Variants in HPS3 observed in about 807,000 individuals in gnomAD.
HPS3 encodes the protein BLOC-2 complex member HPS3.
Under a neutral mutation model 110.9 loss-of-function variants are expected in HPS3, and 79 were observed. That is an observed-to-expected ratio of 0.71 (90% confidence interval 0.59 to 0.86). The LOEUF (loss-of-function observed/expected upper bound fraction) is 0.86. Among genes scored for constraint, HPS3 ranks in the 40% least tolerant of loss-of-function variants. The pLI, the probability that HPS3 is intolerant of heterozygous loss-of-function variation, is 0.00. For missense variants in HPS3, 1,197 were observed against 1,206.2 expected (o/e 0.99, Z 0.11); for synonymous variants, 428 against 451.0 (o/e 0.95, Z 0.65).
Position 149,162,738 on chromosome 3 carries a change from T to C in HPS3, c.2341T>C (p.Phe781Leu). ...EDTIPQLLVD[F>L]WEAQLVACLP... The stretch of plus-strand genomic sequence containing the variant: ...TACAATTCCTCAGCTCTTGGTAGAC[T>C]TTTGGGAAGCTCAGCTAGTGGCATG... The change falls in exon 13 of 17, where the codon TTT (phenylalanine) becomes CTT (leucine). Residue 781 changes from phenylalanine (F) to leucine (L), a missense_variant. Transcript: ENST00000296051. 6.2e-7 allele frequency: 1 copy of C among 1,614,084 alleles called. No individual in the cohort carries two copies. The highest frequency in any genetic ancestry group is 8.5e-7 in the Non-Finnish European group (1 of 1,179,956).
chr3:149,155,556 C>A (rs984429496), intron 8 of HPS3, among the ~76,000 whole-genome samples: 3 of 150,274 alleles, frequency 2.0e-5, no homozygotes, highest in South Asian at 2.1e-4. Context: ...ATAAATAAAT[C>A]TAGGATTATG....
chr3:149,172,319 C>A lies in HPS3; in HGVS notation c.*97C>A. On this transcript the variant is annotated 3_prime_UTR_variant, in exon 17 of 17. Transcript: ENST00000296051. ...TAGAGGAGTTTTTTATTTTATATAT[C>A]ACACACACACACACACACACACACA... The A allele has an allele frequency of 6.2e-5, 13 of 208,598 alleles. No homozygotes were observed. Among genetic ancestry groups the A allele is most frequent in the Non-Finnish European group, 8.9e-5 (10 of 112,956 alleles). 12.9% of individuals were successfully genotyped at this position (208,598 alleles called of 1,614,324 possible).
At position 149,163,906 on chromosome 3, in the gene HPS3, CT is replaced by C. The variant is rs1724146183; in HGVS notation, c.2549del (p.Leu850Ter). On this transcript the variant is annotated frameshift_variant, in exon 14 of 17. Transcript: ENST00000296051. LOFTEE classifies it high-confidence loss of function. ...PWVHVVISSD[S>X]LADKNYTEDL... ...GTTCACGTCGTAATATCATCTGATTCTTTAGCTGATAAAAATTATACAGAAG... is the reference window on the plus strand; with the variant it reads ...GTTCACGTCGTAATATCATCTGATTCTTAGCTGATAAAAATTATACAGAAG... 2 of 1,579,602 alleles carry C rather than the reference CT, an allele frequency of 1.3e-6. No individual in the cohort carries two copies. Among genetic ancestry groups the C allele is most frequent in the Non-Finnish European group, 1.7e-6 (2 of 1,148,642 alleles).
intron 16 of HPS3, among the ~76,000 whole-genome samples, chr3:149,170,832 A>T (rs562014256): frequency 2.0e-5 from 3 of 152,322 alleles, no homozygotes; most frequent in East Asian, 3.9e-4. Context: ...TGACATGTGG[A>T]TAGAAGATGT....
intron 4 of HPS3, among the ~76,000 whole-genome samples, chr3:149,141,678 C>T (rs777184076): frequency 4.2e-4 from 60 of 142,256 alleles, no homozygotes; most frequent in Non-Finnish European, 7.8e-4. Flanking sequence ...GGACTACAGG[C>T]GCCCGCCACC....
At chr3:149,159,807 G>A (rs181432638) in intron 10 of HPS3, among the ~76,000 whole-genome samples, 10 of 152,146 alleles carry the variant, frequency 6.6e-5, no homozygotes, top group Admixed American at 2.0e-4. Context: ...GCCATAACCT[G>A]GTACATATTT....
At chr3:149,152,986 T>C (rs1055409639) in intron 6 of HPS3, among the ~76,000 whole-genome samples, 1 of 152,224 alleles carries the variant, frequency 6.6e-6, no homozygotes, top group African/African-American at 2.4e-5. Flanking sequence ...CATCGGAACA[T>C]ACAAGCATTT....
chr3:149,131,694 C>T (rs1721792090), intron 1 of HPS3, among the ~76,000 whole-genome samples: 1 of 152,172 alleles, frequency 6.6e-6, no homozygotes, highest in Admixed American at 6.5e-5. Context: ...GTTCAAGTGA[C>T]ACTTGGACGT....
intron 16 of HPS3, 128 bp from the exon 17 acceptor site, chr3:149,171,967 A>G: frequency 1.3e-6 from 1 of 788,048 alleles, no homozygotes; most frequent in South Asian, 1.4e-5. Context: ...GGCCTCCCAA[A>G]GTGCTGGGAT....
chr3:149,145,463 T>C lies in HPS3; in HGVS notation c.1080T>C (p.Ser360=). Residue 360 remains serine (S), a synonymous_variant, in exon 5 of 17, where the codon TCT becomes TCC. Transcript: ENST00000296051. ...HVGYLYMVVK[S]VELMSVYQYP... is the part of the protein sequence containing the mutation. ...GCTATCTCTACATGGTTGTCAAATC[T>C]GTTGAATTGATGTCAGTCTACCAGT... 1.9e-6 allele frequency: 3 copies of C among 1,613,946 alleles called. No individual in the cohort carries two copies. In the South Asian group the frequency reaches 3.3e-5, roughly 18 times the overall value.
At chr3:149,154,447 A>G (rs566540100) in intron 7 of HPS3, among the ~76,000 whole-genome samples, 2 of 152,356 alleles carry the variant, frequency 1.3e-5, no homozygotes, top group Admixed American at 1.3e-4. Context: ...GTGTACACAG[A>G]GTGGTCTGGG....
intron 5 of HPS3, among the ~76,000 whole-genome samples, chr3:149,148,671 C>T (rs1181131107): frequency 6.6e-6 from 1 of 151,926 alleles, no homozygotes; most frequent in African/African-American, 2.4e-5. Flanking sequence ...TCCCAAAGTG[C>T]TGGGATTACA....
At chr3:149,133,633 A>G (rs2108118329) in intron 1 of HPS3, among the ~76,000 whole-genome samples, 1 of 152,080 alleles carries the variant, frequency 6.6e-6, no homozygotes, top group Middle Eastern at 3.4e-3. Flanking sequence ...TGCCACAGCC[A>G]CCCCAGCCTC....
chr3:149,155,117 G>T lies in HPS3; in HGVS notation c.1411G>T (p.Asp471Tyr). 1 of 1,589,588 alleles carries T rather than the reference G, an allele frequency of 6.3e-7. No homozygotes were observed. The highest frequency in any genetic ancestry group is 8.6e-7 in the Non-Finnish European group (1 of 1,157,704). ...TTGTTTTGCTTTTAGTTCGAGAAAA[G>T]ATACCAGTGTTAAAATCAAAATACC... The part of the protein sequence containing the change: ...QSPKRLLSRK[D>Y]TSVKIKIPPV... Residue 471 changes from aspartate (D) to tyrosine (Y), a missense_variant, in exon 8 of 17, where the codon GAT (aspartate) becomes TAT (tyrosine). Physicochemically the swap from Asp to Tyr is radical, Grantham distance 160. Coordinates refer to ENST00000296051, the MANE Select transcript of HPS3 (RefSeq NM_032383.5).
intron 1 of HPS3, among the ~76,000 whole-genome samples, chr3:149,138,121 T>A (rs547633477): frequency 2.0e-5 from 3 of 152,266 alleles, no homozygotes; most frequent in Non-Finnish European, 4.4e-5. Context: ...TCTTTAGGCA[T>A]TCTACGATCT....
chr3:149,144,457 A>G (rs534124377), intron 4 of HPS3, among the ~76,000 whole-genome samples: 15 of 152,354 alleles, frequency 9.8e-5, no homozygotes, highest in Non-Finnish European at 1.6e-4. Context: ...CTAATTGACT[A>G]AAAAACTTCT....
At chr3:149,170,883 G>A (rs1724907932) in intron 16 of HPS3, among the ~76,000 whole-genome samples, 1 of 152,154 alleles carries the variant, frequency 6.6e-6, no homozygotes, top group Non-Finnish European at 1.5e-5. Context: ...GTTCATAACT[G>A]TCACCCTTCT....
chr3:149,146,708 G>C (rs1293921711), intron 5 of HPS3, among the ~76,000 whole-genome samples: 1 of 152,180 alleles, frequency 6.6e-6, no homozygotes, highest in Non-Finnish European at 1.5e-5. Context: ...AAGGAGAAAT[G>C]CTGCTGATGG....
intron 1 of HPS3, among the ~76,000 whole-genome samples, chr3:149,132,187 G>A (rs1019254392): frequency 1.3e-5 from 2 of 152,230 alleles, no homozygotes; most frequent in South Asian, 2.1e-4. Flanking sequence ...GGAGGCAGCT[G>A]TGCTAAACAA....
Sources: allele counts gnomAD v4.1 joint callset (sites outside exome capture counted in the v4.1 genomes callset), GRCh38; gene constraint gnomAD v4.1.1; transcripts MANE v1.5; gene names NCBI Gene and HGNC (gene_info 2026-07-23, HGNC 2026-07-21).